HSD17B12: variants seen among roughly 807,000 people sequenced by gnomAD.
The protein encoded by HSD17B12 is hydroxysteroid 17-beta dehydrogenase 12.
Under a neutral mutation model 39.3 loss-of-function variants are expected in HSD17B12, and 32 were observed. The ratio of observed to expected loss-of-function variants is 0.81; its 90% CI spans 0.61 to 1.09. The LOEUF is 1.09. HSD17B12 is among the 50% of genes least tolerant of loss of function. The probability of loss-of-function intolerance (pLI) is 0.00; values close to 1 mark genes in which losing one functional copy is unlikely to be tolerated. For missense variants in HSD17B12, 342 were observed against 382.9 expected (o/e 0.89, Z 0.89); for synonymous variants, 150 against 146.7 (o/e 1.02, Z -0.16).
At chr11:43,712,130 A>G (rs867267867) in intron 1 of HSD17B12, among the ~76,000 whole-genome samples, 18 of 152,160 alleles carry the variant, frequency 1.2e-4, no homozygotes, top group African/African-American at 4.3e-4. Context: ...TTGTCTGTAT[A>G]ATAAAACCTT....
At chr11:43,749,969 C>A (rs551452563) in intron 1 of HSD17B12, among the ~76,000 whole-genome samples, 1 of 152,156 alleles carries the variant, frequency 6.6e-6, no homozygotes, top group African/African-American at 2.4e-5. Context: ...GTATAGCCTG[C>A]CCTATATAAA....
At chr11:43,676,824 G>A (rs1231565923), upstream of HSD17B12, among the ~76,000 whole-genome samples, 1 of 152,160 alleles carries the variant, frequency 6.6e-6, no homozygotes, top group Non-Finnish European at 1.5e-5. Context: ...CAAAAAATAT[G>A]TATTGTTAGT....
At chr11:43,690,390 A>ATTTTT (rs1196143107) in intron 1 of HSD17B12, among the ~76,000 whole-genome samples, 13 of 14,586 alleles carry the variant, frequency 8.9e-4, no homozygotes, top group African/African-American at 1.2e-3. Context: ...ATATATATAT[A>ATTTTT]TATATATATA....
chr11:43,608,037 G>A, the HSD17B12 span, among the ~76,000 whole-genome samples: 1 of 152,176 alleles, frequency 6.6e-6, no homozygotes, highest in African/African-American at 2.4e-5. Context: ...GGAAGATGAG[G>A]TGATGGTTCC....
At chr11:43,682,522 G>A (rs1280877340) in intron 1 of HSD17B12, among the ~76,000 whole-genome samples, 23 of 142,438 alleles carry the variant, frequency 1.6e-4, no homozygotes, top group African/African-American at 6.2e-4. Flanking sequence ...ATCCAGCCTG[G>A]GTGACAGAGC....
At chr11:43,634,050 G>A in the HSD17B12 span, among the ~76,000 whole-genome samples, 1 of 70,538 alleles carries the variant, frequency 1.4e-5, no homozygotes, top group Non-Finnish European at 2.7e-5. Context: ...CTCCAGCCTG[G>A]GCAACAAGAG....
chr11:43,788,141 T>A (rs1432712369), intron 3 of HSD17B12, among the ~76,000 whole-genome samples: 1 of 151,908 alleles, frequency 6.6e-6, no homozygotes, highest in African/African-American at 2.4e-5. Flanking sequence ...TATCTCTTTT[T>A]GCTTTCTAAC....
chr11:43,684,457 T>C (rs935567511), intron 1 of HSD17B12, among the ~76,000 whole-genome samples: 1 of 152,246 alleles, frequency 6.6e-6, no homozygotes, highest in East Asian at 1.9e-4. Context: ...TTGCAAGTAT[T>C]TGAGTAGTTT....
chr11:43,761,185 A>C (rs1281139736), intron 3 of HSD17B12, among the ~76,000 whole-genome samples: 1 of 152,236 alleles, frequency 6.6e-6, no homozygotes, highest in Non-Finnish European at 1.5e-5. Flanking sequence ...GAAATTTACC[A>C]TTAAATGAAA....
At chr11:43,564,061 A>C in the HSD17B12 span, among the ~76,000 whole-genome samples, 3 of 152,006 alleles carry the variant, frequency 2.0e-5, no homozygotes, top group Non-Finnish European at 4.4e-5. Flanking sequence ...TGTCCAGGCT[A>C]TTCTCAAGCT....
intron 2 of HSD17B12, 120 bp from the exon 3 acceptor site, chr11:43,753,926 C>A: frequency 1.7e-6 from 1 of 583,354 alleles, no homozygotes. Flanking sequence ...GTCTTCATTA[C>A]ACTTGGGTTT....
intron 1 of HSD17B12, among the ~76,000 whole-genome samples, chr11:43,726,521 T>C (rs1950221106): frequency 6.6e-6 from 1 of 152,234 alleles, no homozygotes; most frequent in Admixed American, 6.5e-5. Context: ...CTTTATCATA[T>C]TTCAGAGACA....
the HSD17B12 span, among the ~76,000 whole-genome samples, chr11:43,625,451 A>G: frequency 6.6e-6 from 1 of 151,462 alleles, no homozygotes; most frequent in Non-Finnish European, 1.5e-5. Flanking sequence ...TTCTGACATA[A>G]TCTGAAACAT....
At chr11:43,657,743 G>A in the HSD17B12 span, among the ~76,000 whole-genome samples, 1 of 152,184 alleles carries the variant, frequency 6.6e-6, no homozygotes, top group East Asian at 1.9e-4. Flanking sequence ...AGTCTCTTCT[G>A]GCTTATAGAG....
the HSD17B12 span, among the ~76,000 whole-genome samples, chr11:43,632,283 G>T: frequency 0.68 from 102,960 of 152,004 alleles, 35,166 homozygotes; most frequent in East Asian, 0.81. Context: ...CTCTTCCAAC[G>T]TGAAGACCAA....
At position 43,831,228 on chromosome 11, in the gene HSD17B12, T is replaced by A; in HGVS notation, c.536+218T>A. The A allele has an allele frequency of 2.8e-6, 1 of 359,488 alleles. No homozygotes were observed. The highest frequency in any genetic ancestry group is 6.3e-5 in the South Asian group (1 of 15,880). The allele number at this position is 359,488 out of a possible 1,614,324, so 22.3% of individuals were successfully genotyped here. A position where few individuals can be genotyped will look rare whatever the true frequency, so the allele number is the denominator to read the frequency against. The stretch of plus-strand genomic sequence containing the variant: ...CCCTTTTTATTTCTCTCTCTAGGGT[T>A]GTAGTGGTTCCTTTAGATCAGGATG... On this transcript the variant is annotated intron_variant, in intron 7 of 10. Coordinates refer to ENST00000278353, the MANE Select transcript of HSD17B12 (RefSeq NM_016142.3). The surrounding 1 kb of genome is among the most constrained non-coding windows in gnomAD (Gnocchi z 4.1).
the HSD17B12 span, among the ~76,000 whole-genome samples, chr11:43,649,557 G>A: frequency 6.6e-6 from 1 of 152,158 alleles, no homozygotes; most frequent in Non-Finnish European, 1.5e-5. Context: ...CCATGGCTGG[G>A]CAATTCACAA....
chr11:43,733,409 G>T (rs1950287417), intron 1 of HSD17B12, among the ~76,000 whole-genome samples: 1 of 152,070 alleles, frequency 6.6e-6, no homozygotes, highest in Non-Finnish European at 1.5e-5. Flanking sequence ...ATAGAGTGTT[G>T]GGATCTGTTA....
the HSD17B12 span, among the ~76,000 whole-genome samples, chr11:43,658,038 A>G: frequency 0.17 from 25,342 of 152,240 alleles, 2,606 homozygotes; most frequent in Middle Eastern, 0.27. Flanking sequence ...TACACCAATT[A>G]GACGTAGATT....
Sources: gnomAD v4.1 joint callset for allele counts (sites outside exome capture counted in the v4.1 genomes callset) on GRCh38, gnomAD v4.1.1 for gene constraint, Gnocchi (gnomAD v3.1) non-coding constraint, MANE v1.5 for transcripts, NCBI Gene and HGNC (gene_info 2026-07-23, HGNC 2026-07-21) for gene names.